Variants in ZNF564 observed in about 807,000 individuals in gnomAD.
The protein encoded by ZNF564 is zinc finger protein 564.
In ZNF564, 5 loss-of-function variants were observed where a neutral mutation model predicts 10.5. The observed-to-expected ratio is 0.48, with a 90% confidence interval of 0.25 to 1.00. The LOEUF is 1.00. ZNF564 is among the 50% of genes least tolerant of loss of function. The pLI is 0.16. For missense variants in ZNF564, 603 were observed against 669.7 expected, an observed-to-expected ratio of 0.90 and a Z score of 1.10; for synonymous variants, 242 against 218.1, an observed-to-expected ratio of 1.11 and a Z score of -0.97.
At chr19:12,533,877 T>TA (rs35579657) in intron 1 of ZNF564, among the ~76,000 whole-genome samples, 379 of 134,996 alleles carry the variant, frequency 2.8e-3, no homozygotes, top group Non-Finnish European at 4.0e-3. Context: ...CAATAGAGAT[T>TA]AAAAAAAAAA....
chr19:12,542,922 A>C (rs2022084881), intron 1 of ZNF564, among the ~76,000 whole-genome samples: 2 of 152,060 alleles, frequency 1.3e-5, no homozygotes, highest in Non-Finnish European at 2.9e-5. Context: ...GAATCAATTG[A>C]ATCCCGGAGG....
intron 1 of ZNF564, among the ~76,000 whole-genome samples, chr19:12,546,598 G>A (rs1247178189): frequency 6.6e-6 from 1 of 152,114 alleles, no homozygotes; most frequent in Non-Finnish European, 1.5e-5. Context: ...AGGAATGGTG[G>A]TGGGCACCTG....
At chr19:12,531,764 G>A (rs1285489208) in intron 1 of ZNF564, among the ~76,000 whole-genome samples, 5 of 151,932 alleles carry the variant, frequency 3.3e-5, no homozygotes, top group African/African-American at 9.7e-5. Flanking sequence ...GACAAAAAAA[G>A]AAACAAAAGC....
intron 1 of ZNF564, among the ~76,000 whole-genome samples, chr19:12,546,798 G>C (rs1375071974): frequency 1.3e-5 from 2 of 152,150 alleles, no homozygotes; most frequent in Non-Finnish European, 2.9e-5. Context: ...TGGCTGGACA[G>C]TTTTGTCTTC....
chr19:12,544,906 T>C (rs1277071499), intron 1 of ZNF564, among the ~76,000 whole-genome samples: 1 of 152,144 alleles, frequency 6.6e-6, no homozygotes, highest in Non-Finnish European at 1.5e-5. Context: ...GAAACCCACA[T>C]TCAGAAGGTT....
chr19:12,527,996 A>C (rs966650843), intron 3 of ZNF564, 80 bp from the exon 4 acceptor site: 35 of 1,451,524 alleles, frequency 2.4e-5, no homozygotes, highest in African/African-American at 9.9e-5. Flanking sequence ...TTTTTACCAT[A>C]ATCGCGGAAA....
rs2021718268 is a variant in ZNF564 at position 12,527,732 on chromosome 19, G to A, written c.376C>T (p.Leu126Phe). ...TGATAGTCATATGGTTTGTGTCCAA[G>A]GTGAGATCTGATGTGCCTACTAAGG... Reference protein sequence around the residue: ...SSLSRHIRSHLGHKPYDYQEY... With the variant: ...SSLSRHIRSHFGHKPYDYQEY... The change falls in exon 4 of 4, where the codon CTT becomes TTT. Residue 126 changes from leucine (L) to phenylalanine (F), a missense_variant. Coordinates refer to ENST00000339282, the MANE Select transcript of ZNF564 (RefSeq NM_144976.4). 2.5e-6 allele frequency: 4 copies of A among 1,614,058 alleles called. No individual in the cohort carries two copies. The highest frequency in any genetic ancestry group is 1.3e-5 in the African/African-American group (1 of 75,042).
chr19:12,551,455 A>C lies in ZNF564; in HGVS notation c.-123T>G, dbSNP rs1047704617. On this transcript the variant is annotated 5_prime_UTR_variant, in exon 1 of 4. Coordinates refer to ENST00000339282, the MANE Select transcript of ZNF564 (RefSeq NM_144976.4). ...ACTGGAGAAGCGGAGACCGGAACCC[A>C]AACGCAGCGGACACGAAACAGGAAG... 1 of 1,432,910 alleles carries C rather than the reference A, an allele frequency of 7.0e-7. No individual in the cohort carries two copies. The highest frequency in any genetic ancestry group is 2.8e-5 in the Admixed American group (1 of 35,452). 88.8% of individuals were successfully genotyped at this position (1,432,910 alleles called of 1,614,324 possible).
intron 1 of ZNF564, 69 bp from the exon 2 acceptor site, chr19:12,528,765 C>T: frequency 4.6e-6 from 7 of 1,518,116 alleles, no homozygotes; most frequent in Non-Finnish European, 5.3e-6. Context: ...AAACCCAATT[C>T]ATAAAAGTTC....
In ZNF564 at chr19:12,545,262, CAAAAAAAAA is replaced by C. The variant is rs534783270; in HGVS notation, c.3+6059_3+6067del. On this transcript the variant is annotated intron_variant, in intron 1 of 3. Coordinates refer to ENST00000339282, the MANE Select transcript of ZNF564 (RefSeq NM_144976.4). ...GGGCAACAAGAGCAAAATTCCGTCT[CAAAAAAAAA>C]AAAAAAAAAAAGAAATGAGTGAGGG... is the stretch of plus-strand genomic sequence containing the variant. Among the ~76,000 whole-genome samples, 11 of 57,424 alleles carry C rather than the reference CAAAAAAAAA, an allele frequency of 1.9e-4. 1 individual carries two copies. In the South Asian group the frequency reaches 2.6e-3, roughly 14 times the overall value. 37.7% of individuals were successfully genotyped at this position (57,424 alleles called of 152,430 possible). A position where few individuals can be genotyped will look rare whatever the true frequency, so the allele number is the denominator to read the frequency against.
At chr19:12,537,690 A>C (rs1350339726) in intron 1 of ZNF564, among the ~76,000 whole-genome samples, 6 of 146,762 alleles carry the variant, frequency 4.1e-5, no homozygotes, top group African/African-American at 7.5e-5. Context: ...GTGAGCCGAG[A>C]TTTCGCCATT....
rs374341951 is a variant in ZNF564, at chr19:12,526,845, A to G, written c.1263T>C (p.Tyr421=). ...HERTHTGEKP[Y]ECQVCGKAFI... Reference sequence around the variant, plus strand: ...AGGCTTTCCCACATACCTGACATTCATAGGGTTTCTCTCCAGTGTGAGTTC... The same window carrying G: ...AGGCTTTCCCACATACCTGACATTCGTAGGGTTTCTCTCCAGTGTGAGTTC... Residue 421 remains tyrosine (Y), a synonymous_variant, in exon 4 of 4, where the codon TAT becomes TAC. Transcript: ENST00000339282. The G allele has an allele frequency of 7.8e-5, 126 of 1,614,032 alleles. No individual in the cohort carries two copies. Among genetic ancestry groups the G allele is most frequent in the Non-Finnish European group, 9.8e-5 (116 of 1,180,036 alleles).
chr19:12,535,065 T>C (rs2021883238), intron 1 of ZNF564, among the ~76,000 whole-genome samples: 1 of 151,640 alleles, frequency 6.6e-6, no homozygotes, highest in African/African-American at 2.4e-5. Flanking sequence ...TGATAAGACA[T>C]AGAGGAAATT....
chr19:12,535,088 A>AAAAAAATTTT (rs2021883783), intron 1 of ZNF564, among the ~76,000 whole-genome samples: 1 of 152,188 alleles, frequency 6.6e-6, no homozygotes, highest in Admixed American at 6.6e-5. Context: ...AAAGTACGTC[A>AAAAAAATTTT]CTGGGCCAGG....
Position 12,527,372 on chromosome 19 carries a change from T to C in ZNF564, c.736A>G (p.Arg246Gly). 6.2e-7 allele frequency: 1 copy of C among 1,614,144 alleles called. No individual in the cohort carries two copies. Among genetic ancestry groups the C allele is most frequent in the Non-Finnish European group, 8.5e-7 (1 of 1,180,022 alleles). Residue 246 changes from arginine (R) to glycine (G), a missense_variant, in exon 4 of 4, where the codon AGG (arginine) becomes GGG (glycine). Arg to Gly is a moderately radical substitution (Grantham distance 125). Transcript: ENST00000339282. ...TTATAAGGTCCATCTCCAGTGTGCC[T>C]AATCATGTGTCTTTGAAAACTTGGA... is the stretch of plus-strand genomic sequence containing the variant. ...SLPSFQRHMI[R>G]HTGDGPYKCQ...
chr19:12,539,323 A>C (rs2021988267), intron 1 of ZNF564, among the ~76,000 whole-genome samples: 1 of 151,834 alleles, frequency 6.6e-6, no homozygotes, highest in Admixed American at 6.6e-5. Context: ...CTATGAATTA[A>C]AAAAGCAAAT....
intron 1 of ZNF564, among the ~76,000 whole-genome samples, chr19:12,543,210 G>A (rs1301790672): frequency 6.6e-6 from 1 of 151,642 alleles, no homozygotes; most frequent in East Asian, 1.9e-4. Context: ...GCTGAGGCAG[G>A]AGAATGGCTT....
chr19:12,543,198 A>G (rs2022090132), intron 1 of ZNF564, among the ~76,000 whole-genome samples: 1 of 151,460 alleles, frequency 6.6e-6, no homozygotes, highest in Non-Finnish European at 1.5e-5. Flanking sequence ...GCTACTCAGG[A>G]GGCTGAGGCA....
intron 1 of ZNF564, among the ~76,000 whole-genome samples, chr19:12,532,437 A>G (rs1246687833): frequency 7.2e-6 from 1 of 139,620 alleles, no homozygotes; most frequent in Non-Finnish European, 1.5e-5. Flanking sequence ...CGGGAGGCTG[A>G]GGCAGGAGAA....
Sources: allele counts gnomAD v4.1 joint callset (sites outside exome capture counted in the v4.1 genomes callset), GRCh38; gene constraint gnomAD v4.1.1; transcripts MANE v1.5; gene names NCBI Gene and HGNC (gene_info 2026-07-23, HGNC 2026-07-21).